CES4A: variants seen among roughly 807,000 people sequenced by gnomAD.
CES4A encodes carboxylesterase 6.
In CES4A, 48 loss-of-function variants were observed where a neutral mutation model predicts 65.4. That is an observed-to-expected ratio of 0.73 (90% CI 0.58 to 0.93). The LOEUF (loss-of-function observed/expected upper bound fraction) is 0.93, where lower values mean the gene tolerates loss of function less well. Among genes scored for constraint, CES4A ranks in the 40% least tolerant of loss-of-function variants. The pLI is 0.00. For missense variants in CES4A, 685 were observed against 728.5 expected (o/e 0.94, Z 0.69); for synonymous variants, 247 against 281.8 (o/e 0.88, Z 1.24).
At chr16:66,994,636 T>C (rs1450941674) in intron 1 of CES4A, among the ~76,000 whole-genome samples, 3 of 151,040 alleles carry the variant, frequency 2.0e-5, no homozygotes, top group South Asian at 2.1e-4. Context: ...GGTCAGGAGA[T>C]AGAGACCATC....
At chr16:66,990,053 T>C (rs1260532527) in intron 1 of CES4A, among the ~76,000 whole-genome samples, 1 of 143,688 alleles carries the variant, frequency 7.0e-6, no homozygotes, top group Non-Finnish European at 1.5e-5. Flanking sequence ...TTTTCTTTTT[T>C]TTTTTTTTTT....
At position 67,000,797 on chromosome 16, in the gene CES4A, C is replaced by T; in HGVS notation, c.402+18C>T. 2 of 1,550,250 alleles carry T rather than the reference C, an allele frequency of 1.3e-6. No homozygotes were observed. The highest frequency in any genetic ancestry group is 1.4e-5 in the African/African-American group (1 of 73,084). Reference sequence around the variant, plus strand: ...AGCTGCCAGTGAGTGCCAGGTCTCCCGCGCCCGCGGTCCCACCGCCGCCCA... The same window carrying T: ...AGCTGCCAGTGAGTGCCAGGTCTCCTGCGCCCGCGGTCCCACCGCCGCCCA... On this transcript the variant is annotated intron_variant, in intron 3 of 13. Coordinates refer to ENST00000648724, the Ensembl canonical transcript of CES4A. This position sits in a 1 kb window ranked among gnomAD's most constrained non-coding sequence, Gnocchi z 4.2.
At position 67,003,416 on chromosome 16, in the gene CES4A, C is replaced by T; in HGVS notation, c.900+56C>T. The T allele has an allele frequency of 6.9e-6, 11 of 1,595,892 alleles. 1 individual carries two copies. The South Asian group carries it at 1.1e-4, about 16-fold the overall frequency. On this transcript the variant is annotated intron_variant, in intron 7 of 13. Transcript: ENST00000648724. The surrounding 1 kb of genome is among the most constrained non-coding windows in gnomAD (Gnocchi z 4.2). The stretch of plus-strand genomic sequence containing the variant: ...GCTGCCTGAGGGCCATCCTCCTATC[C>T]TGGTACCCAGCCACCCCCAACTACT...
Position 66,999,817 on chromosome 16 carries a change from A to G in CES4A, c.261-821A>G, listed in dbSNP as rs577510588. 8.5e-4 allele frequency among the ~76,000 whole-genome samples: 129 copies of G among 152,312 alleles called. 1 individual carries two copies. Among genetic ancestry groups the G allele is most frequent in the African/African-American group, 3.0e-3 (126 of 41,562 alleles). ...CTCTGTCTCAAAAAAATAAGTGGAC[A>G]GGATGTCGGGAGGCACAGAAGAGGA... is the stretch of plus-strand genomic sequence containing the variant. On this transcript the variant is annotated intron_variant, in intron 2 of 13. Coordinates refer to ENST00000648724, the Ensembl canonical transcript of CES4A.
At chr16:66,996,900 T>TA (rs1294518727) in intron 2 of CES4A, among the ~76,000 whole-genome samples, 3 of 151,724 alleles carry the variant, frequency 2.0e-5, no homozygotes, top group Non-Finnish European at 4.4e-5. Context: ...CAGAAAATTT[T>TA]AAAAAAATAT....
At chr16:67,005,611 C>G (rs1965693654) in intron 11 of CES4A, 1 of 498,074 alleles carries the variant, frequency 2.0e-6, no homozygotes. Context: ...CTTTGGGAAG[C>G]CGAAGTGGGT....
In CES4A at chr16:67,006,826, G is replaced by GC. The variant is rs1448821254; in HGVS notation, c.1517+15dup. The GC allele has an allele frequency of 5.6e-6, 9 of 1,613,594 alleles. No individual in the cohort carries two copies. The highest frequency in any genetic ancestry group is 1.3e-5 in the African/African-American group (1 of 75,006). On this transcript the variant is annotated intron_variant, in intron 13 of 13. Coordinates refer to ENST00000648724, the Ensembl canonical transcript of CES4A. ...AACTTTGCCCGCACAGGGTGAGTCT[G>GC]CCCCCCAGCACATCTGGGCATTCTA...
At position 67,004,239 on chromosome 16, in the gene CES4A, G is replaced by A. The variant is rs777919610; in HGVS notation, c.1080+15G>A. 3.7e-6 allele frequency: 6 copies of A among 1,613,926 alleles called. No homozygotes were observed. The Admixed American group carries it at 1.0e-4, about 27-fold the overall frequency. The stretch of plus-strand genomic sequence containing the variant: ...TCTTGCCTTATGTAAGTGAGTAGGA[G>A]TTCAATTGGCTCTTGCCTTACGTAA... On this transcript the variant is annotated intron_variant, in intron 9 of 13. Coordinates refer to ENST00000648724, the Ensembl canonical transcript of CES4A.
rs760302644 is a variant in CES4A, at chr16:67,000,802, C to G, written c.402+23C>G. On this transcript the variant is annotated intron_variant, in intron 3 of 13. Transcript: ENST00000648724. The surrounding 1 kb of genome is among the most constrained non-coding windows in gnomAD (Gnocchi z 4.2). ...CCAGTGAGTGCCAGGTCTCCCGCGCCCGCGGTCCCACCGCCGCCCACCGCC... is the reference window on the plus strand; with the variant it reads ...CCAGTGAGTGCCAGGTCTCCCGCGCGCGCGGTCCCACCGCCGCCCACCGCC... 2.1e-4 allele frequency: 327 copies of G among 1,550,924 alleles called. No homozygotes were observed. Among genetic ancestry groups the G allele is most frequent in the Non-Finnish European group, 2.8e-4 (324 of 1,146,530 alleles).
intron 1 of CES4A, among the ~76,000 whole-genome samples, chr16:66,994,839 C>CAAA (rs530758138): frequency 0.23 from 28,501 of 125,790 alleles, 6,736 homozygotes; most frequent in African/African-American, 0.6. Context: ...AACTCCATCT[C>CAAA]AAAAAAAAAA....
exon 2 of CES4A, chr16:66,995,701 G>A (rs762645374): frequency 6.2e-7 from 1 of 1,614,256 alleles, no homozygotes. Context: ...TGCATGTGGG[G>A]AAGACACCCA....
exon 14 of CES4A, chr16:67,009,248 GT>G: frequency 1.7e-6 from 2 of 1,148,746 alleles, no homozygotes; most frequent in Non-Finnish European, 2.5e-6. Context: ...ACCCACCCCA[GT>G]TTAGAACTGC....
intron 13 of CES4A, chr16:67,007,070 CTT>C: frequency 2.1e-6 from 1 of 482,570 alleles, no homozygotes; most frequent in South Asian, 3.1e-5. Flanking sequence ...CCACTGCACT[CTT>C]TTGGGCCCAG....
At chr16:66,989,060 G>A (rs572339916) in intron 1 of CES4A, among the ~76,000 whole-genome samples, 1 of 152,252 alleles carries the variant, frequency 6.6e-6, no homozygotes, top group East Asian at 1.9e-4. Context: ...CTGCCTCCCG[G>A]CACAGGTGAA....
chr16:67,006,116 G>A, intron 11 of CES4A: 1 of 412,526 alleles, frequency 2.4e-6, no homozygotes, highest in South Asian at 3.0e-5. Context: ...CAGGGAAAAG[G>A]AAGGCTTCCA....
At chr16:67,005,060 T>C in intron 10 of CES4A, 180 bp from the exon 11 acceptor site, 1 of 764,128 alleles carries the variant, frequency 1.3e-6, no homozygotes, top group Non-Finnish European at 2.2e-6. Context: ...ACAGGGGCAG[T>C]TATGCAGCAA....
chr16:67,004,208 A>G lies in CES4A; in HGVS notation c.1064A>G (p.Asn355Ser), dbSNP rs369973441. The change falls in exon 9 of 14, where the codon AAT becomes AGT. Residue 355 changes from asparagine to serine, a missense_variant. Physicochemically the swap from Asn to Ser is conservative, Grantham distance 46 (BLOSUM62 1). Transcript: ENST00000648724. Reference sequence around the variant, plus strand: ...CTAGGTGTCAACAACCTGGAATTCAATTGGCTCTTGCCTTATGTAAGTGAG... The same window carrying G: ...CTAGGTGTCAACAACCTGGAATTCAGTTGGCTCTTGCCTTATGTAAGTGAG... 7.4e-6 allele frequency: 12 copies of G among 1,613,978 alleles called. No homozygotes were observed. The African/African-American group carries it at 8.0e-5, about 11-fold the overall frequency.
At chr16:66,997,754 G>C (rs1037980360) in intron 2 of CES4A, among the ~76,000 whole-genome samples, 2 of 151,986 alleles carry the variant, frequency 1.3e-5, no homozygotes, top group African/African-American at 4.8e-5. Context: ...GAAATCACTT[G>C]AGCTCAGGAG....
exon 1 of CES4A, chr16:66,988,822 C>G: frequency 1.3e-6 from 2 of 1,566,788 alleles, no homozygotes; most frequent in Non-Finnish European, 1.7e-6. Flanking sequence ...ATGGCGCAGA[C>G]GGCCTTGGGT....
Sources: gnomAD v4.1 joint callset for allele counts (sites outside exome capture counted in the v4.1 genomes callset) on GRCh38, gnomAD v4.1.1 for gene constraint, Gnocchi (gnomAD v3.1) non-coding constraint, MANE v1.5 for transcripts, NCBI Gene and HGNC (gene_info 2026-07-23, HGNC 2026-07-21) for gene names.